The following TSPAN32 variants were observed in gnomAD, a reference collection of about 807,000 sequenced individuals.
The protein encoded by TSPAN32 is tetraspanin-32.
In TSPAN32, 47 loss-of-function variants were observed where a neutral mutation model predicts 42.7. That is an observed-to-expected ratio of 1.10 (90% CI 0.87 to 1.40). The LOEUF is 1.40. Ranked by LOEUF, TSPAN32 falls within the 40% of genes most tolerant of loss-of-function variation. The pLI is 0.00. For missense variants in TSPAN32, 469 were observed against 424.1 expected, an observed-to-expected ratio of 1.11 and a Z score of -0.93; for synonymous variants, 175 against 175.9, an observed-to-expected ratio of 0.99 and a Z score of 0.04.
intron 6 of TSPAN32, 121 bp downstream of exon 6, chr11:2,314,692 G>C (rs925624305): frequency 2.8e-5 from 21 of 749,484 alleles, no homozygotes; most frequent in Middle Eastern, 3.7e-4. Flanking sequence ...AGACCCTTGG[G>C]AACTGCCGCT....
At chr11:2,309,554 G>A (rs1848344179) in intron 4 of TSPAN32, 2 of 353,772 alleles carry the variant, frequency 5.7e-6, no homozygotes, top group East Asian at 7.5e-5. Flanking sequence ...GGACAGCCAC[G>A]GGCAGGGTCA....
rs1436089818 is a variant in TSPAN32 at position 2,318,103 on chromosome 11, T to A, written c.*179T>A. 7 of 569,130 alleles carry A rather than the reference T, an allele frequency of 1.2e-5. No homozygotes were observed. Among genetic ancestry groups the A allele is most frequent in the Non-Finnish European group, 2.2e-5 (7 of 324,386 alleles). 35.3% of individuals were successfully genotyped at this position (569,130 alleles called of 1,614,324 possible). A position where few individuals can be genotyped will look rare whatever the true frequency, so the allele number is the denominator to read the frequency against. On this transcript the variant is annotated 3_prime_UTR_variant, in exon 10 of 10. Transcript: ENST00000182290. The surrounding 1 kb of genome is among the most constrained non-coding windows in gnomAD (Gnocchi z 4.2). ...AACCAGCAATGGTGCATTGAGCAAA[T>A]TGTGGTCAAATATACATCACATCAA...
Position 2,317,748 on chromosome 11 carries a change from G to T in TSPAN32, c.902-115G>T. The stretch of plus-strand genomic sequence containing the variant: ...GCCCAGGGCAGACTGCAAGACACTG[G>T]TGGCCCACGGCCTGGAGGGCTCCAC... On this transcript the variant is annotated intron_variant, in intron 9 of 9. Coordinates refer to ENST00000182290, the MANE Select transcript of TSPAN32 (RefSeq NM_139022.3). This position sits in a 1 kb window ranked among gnomAD's most constrained non-coding sequence, Gnocchi z 6.2. 6.6e-7 allele frequency: 1 copy of T among 1,525,878 alleles called. No individual in the cohort carries two copies. Among genetic ancestry groups the T allele is most frequent in the Non-Finnish European group, 8.7e-7 (1 of 1,145,008 alleles). 94.5% of individuals were successfully genotyped at this position (1,525,878 alleles called of 1,614,324 possible).
At chr11:2,310,359 C>T (rs957007005) in intron 4 of TSPAN32, among the ~76,000 whole-genome samples, 1 of 152,198 alleles carries the variant, frequency 6.6e-6, no homozygotes, top group African/African-American at 2.4e-5. Flanking sequence ...AAGATAGATG[C>T]CCCAGCCGGG....
In TSPAN32 at chr11:2,302,077, T is replaced by C; in HGVS notation, c.-73T>C. 2.0e-6 allele frequency: 3 copies of C among 1,487,010 alleles called. No homozygotes were observed. Among genetic ancestry groups the C allele is most frequent in the Admixed American group, 2.5e-5 (1 of 40,602 alleles). 92.1% of individuals were successfully genotyped at this position (1,487,010 alleles called of 1,614,324 possible). A position where few individuals can be genotyped will look rare whatever the true frequency, so the allele number is the denominator to read the frequency against. ...CTACCTCCTGGGCAGTGAGCTGCGG[T>C]CTGAGGCCCCTGCCCAGCTGGAAAC... On this transcript the variant is annotated 5_prime_UTR_variant, in exon 1 of 10. Transcript: ENST00000182290.
At chr11:2,315,862 C>T (rs1848754647) in intron 6 of TSPAN32, 1 of 1,396,582 alleles carries the variant, frequency 7.2e-7, no homozygotes, top group Non-Finnish European at 9.5e-7. Flanking sequence ...ACCCTCTGGT[C>T]ACCAAGGTGC....
rs1346719296 is a variant in TSPAN32 at position 2,316,754 on chromosome 11, G to GAGCCCCGGGACCA, written c.719+94_719+106dup. ...ATCTGCTCTGCCAGCTGCTAGGAGGGAGCCCCGGGACCAAGCCCCAGGCTG... is the reference window on the plus strand; with the variant it reads ...ATCTGCTCTGCCAGCTGCTAGGAGGGAGCCCCGGGACCAAGCCCCGGGACCAAGCCCCAGGCTG... On this transcript the variant is annotated intron_variant, in intron 8 of 9. Coordinates refer to ENST00000182290, the MANE Select transcript of TSPAN32 (RefSeq NM_139022.3). 2.2e-5 allele frequency: 30 copies of GAGCCCCGGGACCA among 1,394,904 alleles called. No homozygotes were observed. In the Middle Eastern group the frequency reaches 8.7e-4, roughly 40 times the overall value. The allele number at this position is 1,394,904 out of a possible 1,614,324, so 86.4% of individuals were successfully genotyped here.
Position 2,317,949 on chromosome 11 carries a change from C to G in TSPAN32, c.*25C>G. The G allele has an allele frequency of 1.1e-5, 10 of 874,808 alleles. No individual in the cohort carries two copies. The highest frequency in any genetic ancestry group is 2.0e-5 in the Non-Finnish European group (10 of 507,638). 54.2% of individuals were successfully genotyped at this position (874,808 alleles called of 1,614,324 possible). On this transcript the variant is annotated 3_prime_UTR_variant, in exon 10 of 10. Coordinates refer to ENST00000182290, the MANE Select transcript of TSPAN32 (RefSeq NM_139022.3). This position sits in a 1 kb window ranked among gnomAD's most constrained non-coding sequence, Gnocchi z 6.2. The stretch of plus-strand genomic sequence containing the variant: ...ACGTCAGGCCTTGGTGGGCTGCACT[C>G]TCACCTGGAGGCTCCGGGGAAGCAT...
At chr11:2,309,406 T>A in intron 4 of TSPAN32, 1 of 464,894 alleles carries the variant, frequency 2.2e-6, no homozygotes. Context: ...GGCGTCCCCG[T>A]GGAAAGGCCA....
chr11:2,302,987 G>T, intron 2 of TSPAN32, 29 bp downstream of exon 2: 1 of 1,591,314 alleles, frequency 6.3e-7, no homozygotes. Flanking sequence ...TGGCTGCATC[G>T]GGAGGGGCCT....
chr11:2,307,052 G>T, intron 3 of TSPAN32: 1 of 154,264 alleles, frequency 6.5e-6, no homozygotes, highest in South Asian at 1.9e-4. Flanking sequence ...AGGAGGAGGA[G>T]AGAGAAGAGA....
chr11:2,310,035 G>C (rs1339473141), intron 4 of TSPAN32: 2 of 152,564 alleles, frequency 1.3e-5, no homozygotes. Flanking sequence ...GAGGGCTGTG[G>C]CTTTGAGGAC....
chr11:2,302,949 C>T lies in TSPAN32; in HGVS notation c.172C>T (p.His58Tyr). 6.2e-7 allele frequency: 1 copy of T among 1,613,292 alleles called. No individual in the cohort carries two copies. Among genetic ancestry groups the T allele is most frequent in the Non-Finnish European group, 8.5e-7 (1 of 1,179,602 alleles). The change falls in exon 2 of 10, where the codon CAC (histidine) becomes TAC (tyrosine). Residue 58 changes from histidine (H) to tyrosine (Y), a missense_variant. Transcript: ENST00000182290. ...GGAGAAGAACCCGTACCAGGCTGTG[C>T]ACCAATGGGGTAAGTGAGGTCCAGG... ...SLEKNPYQAV[H>Y]QWAFSAGLSL...
rs919339435 is a variant in TSPAN32, at chr11:2,304,391, C to G, written c.279+187C>G. ...TGAGTATCTAGGCAGAAACAGAGGC[C>G]CCAGGGATGCTAGCCAGCCGAGACC... On this transcript the variant is annotated intron_variant, in intron 3 of 9. Coordinates refer to ENST00000182290, the MANE Select transcript of TSPAN32 (RefSeq NM_139022.3). This position sits in a 1 kb window ranked among gnomAD's most constrained non-coding sequence, Gnocchi z 4.8. 2.6e-5 allele frequency among the ~76,000 whole-genome samples: 4 copies of G among 152,032 alleles called. No individual in the cohort carries two copies. The highest frequency in any genetic ancestry group is 5.9e-5 in the Non-Finnish European group (4 of 67,970).
intron 3 of TSPAN32, among the ~76,000 whole-genome samples, chr11:2,305,371 C>CCCT (rs386372925): frequency 2.9e-5 from 1 of 34,376 alleles, no homozygotes; most frequent in African/African-American, 2.1e-4. Flanking sequence ...AGGTAGTCTG[C>CCCT]CCCCCCCCCC....
intron 5 of TSPAN32, 72 bp from the exon 6 acceptor site, chr11:2,314,413 T>G: frequency 2.4e-6 from 3 of 1,252,106 alleles, no homozygotes; most frequent in Non-Finnish European, 3.4e-6. Context: ...GTGCCTCAGT[T>G]TCCCCATATG....
intron 4 of TSPAN32, 36 bp downstream of exon 4, chr11:2,308,846 TC>T: frequency 6.9e-7 from 1 of 1,448,600 alleles, no homozygotes; most frequent in Non-Finnish European, 9.5e-7. Context: ...CAGTGGAGGG[TC>T]CCCCAGTAAG....
Position 2,316,493 on chromosome 11 carries a change from T to C in TSPAN32, c.628-83T>C, listed in dbSNP as rs752502450. The C allele has an allele frequency of 3.7e-6, 6 of 1,604,256 alleles. No individual in the cohort carries two copies. In the East Asian group the frequency reaches 6.7e-5, roughly 18 times the overall value. On this transcript the variant is annotated intron_variant, in intron 7 of 9. Transcript: ENST00000182290. ...GCCTCCTACAGCTGGGCCGCCCCCT[T>C]ACACTGCAGAGTCCTGATGCTTCCT...
intron 3 of TSPAN32, among the ~76,000 whole-genome samples, chr11:2,307,661 C>T (rs1421533686): frequency 6.6e-6 from 1 of 152,188 alleles, no homozygotes; most frequent in Non-Finnish European, 1.5e-5. Flanking sequence ...CCTTAGCTTC[C>T]GCAAGGGGGC....
Sources: gnomAD v4.1 joint callset for allele counts (sites outside exome capture counted in the v4.1 genomes callset) on GRCh38, gnomAD v4.1.1 for gene constraint, Gnocchi (gnomAD v3.1) non-coding constraint, MANE v1.5 for transcripts, NCBI Gene and HGNC (gene_info 2026-07-23, HGNC 2026-07-21) for gene names.